The following PRDM5 variants were observed in gnomAD, a reference collection of about 807,000 sequenced individuals.
The protein encoded by PRDM5 is PR domain zinc finger protein 5.
PRDM5 carries 56 observed loss-of-function variants against 81.2 expected under a neutral mutation model. The ratio of observed to expected loss-of-function variants is 0.69; its 90% CI spans 0.56 to 0.86. The LOEUF (loss-of-function observed/expected upper bound fraction) is 0.86, where lower values mean the gene tolerates loss of function less well. Ranked by LOEUF, PRDM5 falls within the 40% of genes least tolerant of loss-of-function variation. The pLI is 0.00. For missense variants in PRDM5, 697 were observed against 770.1 expected (o/e 0.91, Z 1.12); for synonymous variants, 267 against 256.4 (o/e 1.04, Z -0.39).
rs571987762 is a variant in PRDM5, at chr4:120,706,674, T to C, written c.1728+3635A>G. Among the ~76,000 whole-genome samples the C allele has an allele frequency of 1.2e-4, 16 of 136,518 alleles. No individual in the cohort carries two copies. The East Asian group carries it at 3.5e-3, about 30-fold the overall frequency. 89.6% of individuals were successfully genotyped at this position (136,518 alleles called of 152,430 possible). A position where few individuals can be genotyped will look rare whatever the true frequency, so the allele number is the denominator to read the frequency against. On this transcript the variant is annotated intron_variant, in intron 15 of 15. Coordinates refer to ENST00000264808, the MANE Select transcript of PRDM5 (RefSeq NM_018699.4). ...GACTGTGCCTAAGAGGTTAAAGTAG[T>C]ATTGATGAGTAACGTGTCATTTGGG... is the stretch of plus-strand genomic sequence containing the variant.
At chr4:120,863,267 G>A (rs1315043817) in intron 2 of PRDM5, among the ~76,000 whole-genome samples, 2 of 149,698 alleles carry the variant, frequency 1.3e-5, no homozygotes, top group South Asian at 2.1e-4. Flanking sequence ...GATCCTTCAC[G>A]GGAGGGAGAC....
intron 12 of PRDM5, among the ~76,000 whole-genome samples, chr4:120,779,213 T>A (rs1033831280): frequency 1.3e-5 from 2 of 152,122 alleles, no homozygotes; most frequent in Non-Finnish European, 2.9e-5. Flanking sequence ...TATTATTAGG[T>A]TCCAATTTTG....
intron 2 of PRDM5, among the ~76,000 whole-genome samples, chr4:120,876,947 C>T (rs982155192): frequency 6.6e-6 from 1 of 152,156 alleles, no homozygotes; most frequent in Non-Finnish European, 1.5e-5. Flanking sequence ...ACAAAACAAA[C>T]TCTTATAGGA....
intron 3 of PRDM5, among the ~76,000 whole-genome samples, chr4:120,832,211 A>G (rs1756804051): frequency 6.6e-6 from 1 of 152,100 alleles, no homozygotes; most frequent in Non-Finnish European, 1.5e-5. Context: ...GGCCTCAGGA[A>G]ACTTACAATC....
chr4:120,747,448 A>G (rs529433733), intron 14 of PRDM5, among the ~76,000 whole-genome samples: 1 of 152,174 alleles, frequency 6.6e-6, no homozygotes, highest in African/African-American at 2.4e-5. Flanking sequence ...AAAAAAATAA[A>G]AAATTAAAAA....
At chr4:120,835,663 G>GCA (rs1322914770) in intron 3 of PRDM5, among the ~76,000 whole-genome samples, 1 of 152,094 alleles carries the variant, frequency 6.6e-6, no homozygotes, top group African/African-American at 2.4e-5. Context: ...ATGATTGTGA[G>GCA]GCCTCCCCAG....
intron 1 of PRDM5, among the ~76,000 whole-genome samples, chr4:120,918,248 T>G (rs12639772): frequency 0.082 from 12,519 of 152,208 alleles, 644 homozygotes; most frequent in Middle Eastern, 0.19. Context: ...TATGGAGAAG[T>G]GTGAATGTGT....
chr4:120,791,686 C>T (rs1750592377), intron 10 of PRDM5, among the ~76,000 whole-genome samples: 1 of 152,190 alleles, frequency 6.6e-6, no homozygotes, highest in Admixed American at 6.5e-5. Context: ...GGCTCTGCCA[C>T]CCAACCACCA....
intron 15 of PRDM5, among the ~76,000 whole-genome samples, chr4:120,703,031 A>G (rs550774067): frequency 2.6e-5 from 4 of 152,140 alleles, no homozygotes; most frequent in Non-Finnish European, 4.4e-5. Flanking sequence ...GCCTCAATTC[A>G]TGCTGTTGCT....
At chr4:120,882,206 G>A (rs1445239685) in intron 2 of PRDM5, among the ~76,000 whole-genome samples, 5 of 152,194 alleles carry the variant, frequency 3.3e-5, no homozygotes, top group Admixed American at 3.3e-4. Context: ...AACCAATGAA[G>A]GAAGCATATG....
chr4:120,848,685 A>T (rs532264980), intron 3 of PRDM5, among the ~76,000 whole-genome samples: 5 of 152,160 alleles, frequency 3.3e-5, no homozygotes, highest in Non-Finnish European at 5.9e-5. Flanking sequence ...TAAATAACTT[A>T]AGAATATTCC....
intron 14 of PRDM5, among the ~76,000 whole-genome samples, chr4:120,753,690 A>C (rs537827535): frequency 1.3e-5 from 2 of 152,210 alleles, no homozygotes; most frequent in South Asian, 4.1e-4. Context: ...GGATTAGATA[A>C]GTCTCTTAAA....
intron 2 of PRDM5, among the ~76,000 whole-genome samples, chr4:120,871,555 T>G (rs949089950): frequency 1.3e-5 from 2 of 152,224 alleles, no homozygotes; most frequent in East Asian, 3.8e-4. Flanking sequence ...CCAAATAATA[T>G]TGCTAACCAA....
intron 8 of PRDM5, among the ~76,000 whole-genome samples, chr4:120,804,250 T>C (rs1005060679): frequency 7.2e-5 from 11 of 152,262 alleles, no homozygotes; most frequent in Admixed American, 5.2e-4. Flanking sequence ...ACAATAATAA[T>C]TGGAGACTTT....
chr4:120,742,621 A>G (rs1407795911), intron 14 of PRDM5, among the ~76,000 whole-genome samples: 1 of 152,238 alleles, frequency 6.6e-6, no homozygotes, highest in African/African-American at 2.4e-5. Flanking sequence ...CTTGAGAACT[A>G]CGTGAAGAAT....
intron 10 of PRDM5, among the ~76,000 whole-genome samples, chr4:120,792,931 G>A (rs1299859562): frequency 6.6e-6 from 1 of 152,128 alleles, no homozygotes; most frequent in Non-Finnish European, 1.5e-5. Context: ...CAGGGGAAGG[G>A]AGGAATGGGA....
chr4:120,801,436 C>A lies in PRDM5; in HGVS notation c.946-1691G>T, dbSNP rs562491945. On this transcript the variant is annotated intron_variant, in intron 8 of 15. Transcript: ENST00000264808. ...CACGGCTTAATTCAATGCCCAAGCA[C>A]GTGGCAGTTTGAAGGTTGCCAACCA... is the stretch of plus-strand genomic sequence containing the variant. 7.2e-5 allele frequency among the ~76,000 whole-genome samples: 11 copies of A among 152,346 alleles called. No individual in the cohort carries two copies. The South Asian group carries it at 2.3e-3, about 32-fold the overall frequency.
Position 120,701,924 on chromosome 4 carries a change from C to T in PRDM5, c.1729-6649G>A, listed in dbSNP as rs549824563. 3.9e-5 allele frequency among the ~76,000 whole-genome samples: 6 copies of T among 152,286 alleles called. No homozygotes were observed. The South Asian group carries it at 1.2e-3, about 32-fold the overall frequency. On this transcript the variant is annotated intron_variant, in intron 15 of 15. Transcript: ENST00000264808. Reference sequence around the variant, plus strand: ...AATATACATCTCTTCACTCTGAAAACTAAAGCCTAGATTATTGCAATAGCC... The same window carrying T: ...AATATACATCTCTTCACTCTGAAAATTAAAGCCTAGATTATTGCAATAGCC...
In PRDM5 at chr4:120,798,429, T is replaced by TA. The variant is rs35363618; in HGVS notation, c.1031-6dup. ...CGCAATTATAGGGTCGTTTTTCTAT[T>TA]AAAAAAATGAGTGGAGACAATCTCA... On this transcript the variant is annotated splice_polypyrimidine_tract_variant and splice_region_variant and intron_variant, in intron 9 of 15. Coordinates refer to ENST00000264808, the MANE Select transcript of PRDM5 (RefSeq NM_018699.4). The TA allele has an allele frequency of 0.25, 394,488 of 1,591,244 alleles. 51,546 individuals carry two copies. The highest frequency in any genetic ancestry group is 0.27 in the Non-Finnish European group (317,080 of 1,160,102).
Sources: allele counts gnomAD v4.1 joint callset (sites outside exome capture counted in the v4.1 genomes callset), GRCh38; gene constraint gnomAD v4.1.1; transcripts MANE v1.5; gene names NCBI Gene and HGNC (gene_info 2026-07-23, HGNC 2026-07-21).